Variants in MAL observed in about 807,000 individuals in gnomAD.
MAL encodes the protein mal, T cell differentiation protein (MAL blood group), also known as myelin and lymphocyte protein.
A neutral mutation model predicts 16.7 loss-of-function variants in MAL; 5 were observed. That is an observed-to-expected ratio of 0.30 (90% CI 0.16 to 0.63). The LOEUF (loss-of-function observed/expected upper bound fraction) is 0.63. Ranked by LOEUF, MAL falls within the 30% of genes least tolerant of loss-of-function variation. The probability of loss-of-function intolerance (pLI) is 0.82; values close to 1 mark genes in which losing one functional copy is unlikely to be tolerated. For synonymous variants in MAL, 96 were observed against 85.5 expected, an observed-to-expected ratio of 1.12 and a Z score of -0.67; for missense variants, 202 against 195.8, an observed-to-expected ratio of 1.03 and a Z score of -0.19.
intron 1 of MAL, among the ~76,000 whole-genome samples, chr2:95,046,953 A>AAAAGAAAGAAAGAAAGAAG (rs1674602802): frequency 6.6e-6 from 1 of 151,258 alleles, no homozygotes; most frequent in Admixed American, 6.6e-5. Flanking sequence ...AGAAAGAGAA[A>AAAAGAAAGAAAGAAAGAAG]AAAGAAAGAA....
intron 1 of MAL, among the ~76,000 whole-genome samples, chr2:95,039,167 AGTGAGTGACTTG>A (rs1674364607): frequency 6.6e-6 from 1 of 150,694 alleles, no homozygotes; most frequent in Non-Finnish European, 1.5e-5. Flanking sequence ...TGAATGGGTG[AGTGAGTGACTTG>A]GTGAGTGAGT....
intron 3 of MAL, among the ~76,000 whole-genome samples, chr2:95,052,275 C>T (rs1674736773): frequency 1.3e-5 from 2 of 152,184 alleles, no homozygotes; most frequent in South Asian, 4.1e-4. Flanking sequence ...CATTTCTTGA[C>T]CCCACTTGGA....
chr2:95,045,321 T>C (rs1558661157), intron 1 of MAL, among the ~76,000 whole-genome samples: 1 of 152,124 alleles, frequency 6.6e-6, no homozygotes, highest in Non-Finnish European at 1.5e-5. Flanking sequence ...TTCCCAACCA[T>C]GTGCAACCCA....
At position 95,048,143 on chromosome 2, in the gene MAL, G is replaced by A. The variant is rs1486142215; in HGVS notation, c.261+17G>A. On this transcript the variant is annotated intron_variant, in intron 2 of 3. Transcript: ENST00000309988. ...GTCACCTTGGTGAGTCCAGCCCAGGGTGGCTGCTGGTTGTAGGGGGGCGCA... is the reference window on the plus strand; with the variant it reads ...GTCACCTTGGTGAGTCCAGCCCAGGATGGCTGCTGGTTGTAGGGGGGCGCA... 6.2e-7 allele frequency: 1 copy of A among 1,600,752 alleles called. No homozygotes were observed. Among genetic ancestry groups the A allele is most frequent in the South Asian group, 1.1e-5 (1 of 90,808 alleles).
At chr2:95,033,501 G>T (rs550655751) in intron 1 of MAL, among the ~76,000 whole-genome samples, 3 of 152,158 alleles carry the variant, frequency 2.0e-5, no homozygotes, top group Admixed American at 2.0e-4. Context: ...CATGGAGGAG[G>T]CTCCATGTTA....
intron 2 of MAL, 106 bp downstream of exon 2, chr2:95,048,232 G>T: frequency 8.6e-7 from 1 of 1,167,760 alleles, no homozygotes; most frequent in Non-Finnish European, 1.2e-6. Context: ...CTTCTCCGTA[G>T]ATGTCACCCC....
In MAL at chr2:95,049,715, G is replaced by C; in HGVS notation, c.387+9G>C. ...AAAACATTGCTGCCGTGGTGAGTCC[G>C]GGCACCTGGGGCTGTGTCCACAGCG... On this transcript the variant is annotated intron_variant, in intron 3 of 3. Transcript: ENST00000309988. 1 of 1,614,004 alleles carries C rather than the reference G, an allele frequency of 6.2e-7. No homozygotes were observed.
chr2:95,050,899 G>A (rs3112983), intron 3 of MAL, among the ~76,000 whole-genome samples: 1 of 152,064 alleles, frequency 6.6e-6, no homozygotes, highest in Non-Finnish European at 1.5e-5. Context: ...AGGCTGGTGA[G>A]CCACCCTCCA....
At position 95,048,277 on chromosome 2, in the gene MAL, T is replaced by C; in HGVS notation, c.261+151T>C. 3.4e-6 allele frequency: 3 copies of C among 874,870 alleles called. No individual in the cohort carries two copies. In the South Asian group the frequency reaches 5.2e-5, roughly 15 times the overall value. The allele number at this position is 874,870 out of a possible 1,614,324, so 54.2% of individuals were successfully genotyped here. ...CAAGGCTGAGCCTGCCCAGGGCTCC[T>C]GGCAGCAGAATCAGGAGAGGCAGGG... On this transcript the variant is annotated intron_variant, in intron 2 of 3. Coordinates refer to ENST00000309988, the MANE Select transcript of MAL (RefSeq NM_002371.4).
Position 95,025,860 on chromosome 2 carries a change from C to T in MAL, c.68C>T (p.Pro23Leu). 2 of 1,576,084 alleles carry T rather than the reference C, an allele frequency of 1.3e-6. No individual in the cohort carries two copies. Among genetic ancestry groups the T allele is most frequent in the South Asian group, 1.2e-5 (1 of 85,046 alleles). ...PSGFSVFTTL[P>L]DLLFIFEFIF... ...GGCTTCTCGGTCTTCACCACCTTGC[C>T]CGACTTGCTCTTCATCTTTGAGTTT... Residue 23 changes from proline (P) to leucine (L), a missense_variant, in exon 1 of 4, where the codon CCC (proline) becomes CTC (leucine). Physicochemically the swap from Pro to Leu is moderately conservative, Grantham distance 98. Coordinates refer to ENST00000309988, the MANE Select transcript of MAL (RefSeq NM_002371.4). This position sits in a 1 kb window ranked among gnomAD's most constrained non-coding sequence, Gnocchi z 5.6.
intron 1 of MAL, among the ~76,000 whole-genome samples, chr2:95,045,845 C>A (rs888914024): frequency 6.6e-6 from 1 of 150,886 alleles, no homozygotes; most frequent in African/African-American, 2.4e-5. Context: ...TCTGTTGAAT[C>A]TTAAACTCAA....
intron 1 of MAL, among the ~76,000 whole-genome samples, chr2:95,032,532 G>C (rs1051914962): frequency 6.6e-6 from 1 of 152,242 alleles, no homozygotes; most frequent in African/African-American, 2.4e-5. Context: ...ACACCCCAGA[G>C]GGTGTACCCT....
rs74728561 is a variant in MAL at position 95,035,126 on chromosome 2, C to T, written c.93+9241C>T. Among the ~76,000 whole-genome samples the T allele has an allele frequency of 2.1e-3, 316 of 152,298 alleles. 12 individuals are homozygous for T. In the East Asian group the frequency reaches 0.046, roughly 22 times the overall value. On this transcript the variant is annotated intron_variant, in intron 1 of 3. Coordinates refer to ENST00000309988, the MANE Select transcript of MAL (RefSeq NM_002371.4). ...AAGAGACTCTGGGAGTTCCATCTCC[C>T]TTGGACCCTCCCAGACCCTGGGCGG...
At chr2:95,044,806 T>G (rs1674546514) in intron 1 of MAL, among the ~76,000 whole-genome samples, 1 of 152,234 alleles carries the variant, frequency 6.6e-6, no homozygotes, top group African/African-American at 2.4e-5. Context: ...GAGCCCAGGC[T>G]GTGGCTGCAG....
At chr2:95,026,977 G>A (rs142384898) in intron 1 of MAL, among the ~76,000 whole-genome samples, 367 of 152,272 alleles carry the variant, frequency 2.4e-3, no homozygotes, top group Non-Finnish European at 2.1e-3. Context: ...AGGCTAAGAG[G>A]GCTGCGGCGG....
chr2:95,035,237 C>A (rs1362808616), intron 1 of MAL, among the ~76,000 whole-genome samples: 2 of 152,146 alleles, frequency 1.3e-5, no homozygotes, highest in Non-Finnish European at 2.9e-5. Flanking sequence ...CCCATAAATC[C>A]CTTTTGTTTT....
rs150966415 is a variant in MAL, at chr2:95,050,331, T to A, written c.387+625T>A. Among the ~76,000 whole-genome samples the A allele has an allele frequency of 3.5e-3, 539 of 152,356 alleles. 5 individuals are homozygous for A. Among genetic ancestry groups the A allele is most frequent in the African/African-American group, 0.013 (520 of 41,590 alleles). ...GAATATATTGTTTCATCACATGTTTTTCAGAGCTGTGCATGTGTGCCCTTG... is the reference window on the plus strand; with the variant it reads ...GAATATATTGTTTCATCACATGTTTATCAGAGCTGTGCATGTGTGCCCTTG... On this transcript the variant is annotated intron_variant, in intron 3 of 3. Coordinates refer to ENST00000309988, the MANE Select transcript of MAL (RefSeq NM_002371.4).
At chr2:95,047,499 T>A (rs912077725) in intron 1 of MAL, among the ~76,000 whole-genome samples, 1 of 152,148 alleles carries the variant, frequency 6.6e-6, no homozygotes, top group Non-Finnish European at 1.5e-5. Flanking sequence ...GGAGGGCAGA[T>A]CACCTGAGGT....
intron 1 of MAL, among the ~76,000 whole-genome samples, chr2:95,026,117 C>T (rs1376431547): frequency 6.6e-6 from 1 of 151,950 alleles, no homozygotes; most frequent in African/African-American, 2.4e-5. Context: ...GGAGGAAAAA[C>T]TGGGTTCCCA....
Sources: gnomAD v4.1 joint callset for allele counts (sites outside exome capture counted in the v4.1 genomes callset) on GRCh38, gnomAD v4.1.1 for gene constraint, Gnocchi (gnomAD v3.1) non-coding constraint, MANE v1.5 for transcripts, NCBI Gene and HGNC (gene_info 2026-07-23, HGNC 2026-07-21) for gene names.